The following NGEF variants were observed in gnomAD, a reference collection of about 807,000 sequenced individuals.
The protein encoded by NGEF is ephexin-1.
In NGEF, 31 loss-of-function variants were observed where a neutral mutation model predicts 80.9. The ratio of observed to expected loss-of-function variants is 0.38; its 90% confidence interval spans 0.29 to 0.52. NGEF has a LOEUF of 0.52. Among genes scored for constraint, NGEF ranks in the 20% least tolerant of loss-of-function variants. The pLI, the probability that NGEF is intolerant of heterozygous loss-of-function variation, is 0.84. For missense variants in NGEF, 709 were observed against 926.2 expected, an observed-to-expected ratio of 0.77 and a Z score of 3.04; for synonymous variants, 371 against 370.2, an observed-to-expected ratio of 1.00 and a Z score of -0.03.
chr2:232,928,898 G>A (rs1052207273), intron 3 of NGEF, among the ~76,000 whole-genome samples: 1 of 152,258 alleles, frequency 6.6e-6, no homozygotes, highest in Non-Finnish European at 1.5e-5. Context: ...ATCAGAAAGA[G>A]CAGAAAGGAC....
At chr2:233,005,449 C>A (rs1017746737) in intron 1 of NGEF, among the ~76,000 whole-genome samples, 1 of 152,262 alleles carries the variant, frequency 6.6e-6, no homozygotes, top group African/African-American at 2.4e-5. Flanking sequence ...AGGACCACTC[C>A]TTCCAGCGTG....
At chr2:232,981,934 G>A (rs1419162924) in intron 1 of NGEF, among the ~76,000 whole-genome samples, 1 of 152,186 alleles carries the variant, frequency 6.6e-6, no homozygotes. Context: ...AGTGAGACAG[G>A]CCTGGCCTCC....
chr2:232,896,995 G>T (rs9752833), intron 5 of NGEF, among the ~76,000 whole-genome samples: 3 of 130,174 alleles, frequency 2.3e-5, no homozygotes, highest in Non-Finnish European at 4.9e-5. Flanking sequence ...GTGAGGTAGG[G>T]GTGCGGGTGA....
chr2:232,883,091 G>A (rs967209520), intron 12 of NGEF, among the ~76,000 whole-genome samples: 13 of 150,606 alleles, frequency 8.6e-5, no homozygotes, highest in East Asian at 2.0e-4. Flanking sequence ...ACGCACACAC[G>A]CACACACGTA....
intron 1 of NGEF, among the ~76,000 whole-genome samples, chr2:233,009,638 A>AC (rs57719369): frequency 2.4e-5 from 1 of 41,050 alleles, no homozygotes; most frequent in Non-Finnish European, 6.6e-5. Flanking sequence ...ATCTCTACAG[A>AC]AAAAAAAAAA....
intron 3 of NGEF, among the ~76,000 whole-genome samples, chr2:232,946,530 G>T (rs569597574): frequency 6.6e-6 from 1 of 152,164 alleles, no homozygotes; most frequent in Non-Finnish European, 1.5e-5. Context: ...GAACTCACAC[G>T]CACACATACA....
intron 1 of NGEF, among the ~76,000 whole-genome samples, chr2:232,996,320 T>G (rs1025362389): frequency 1.3e-5 from 2 of 152,074 alleles, no homozygotes; most frequent in African/African-American, 4.8e-5. Context: ...AGAGTGAGGC[T>G]TTGTCTCAAG....
intron 3 of NGEF, among the ~76,000 whole-genome samples, chr2:232,938,832 G>A (rs1279947326): frequency 3.3e-5 from 5 of 150,766 alleles, no homozygotes; most frequent in African/African-American, 7.3e-5. Context: ...AGTTGCCTAG[G>A]TGCACATAAT....
At chr2:232,900,596 A>G (rs1289969098) in intron 5 of NGEF, among the ~76,000 whole-genome samples, 7 of 93,566 alleles carry the variant, frequency 7.5e-5, no homozygotes, top group African/African-American at 1.8e-4. Flanking sequence ...AGTCACTCAT[A>G]TACACGTTCA....
chr2:232,956,004 T>C (rs973275018), intron 3 of NGEF, among the ~76,000 whole-genome samples: 1 of 152,214 alleles, frequency 6.6e-6, no homozygotes, highest in African/African-American at 2.4e-5. Flanking sequence ...ATTGTACATA[T>C]CCTTCCTCAA....
chr2:232,965,941 C>T (rs1206108523), intron 3 of NGEF, among the ~76,000 whole-genome samples: 1 of 152,130 alleles, frequency 6.6e-6, no homozygotes, highest in Non-Finnish European at 1.5e-5. Flanking sequence ...TCCAGATTCC[C>T]CACTTCACCC....
At chr2:233,006,735 A>G (rs1260381714) in intron 1 of NGEF, among the ~76,000 whole-genome samples, 1 of 152,226 alleles carries the variant, frequency 6.6e-6, no homozygotes, top group Admixed American at 6.5e-5. Context: ...TTGAACACTC[A>G]TGGCGATCCT....
chr2:232,997,319 C>T (rs1266558718), intron 1 of NGEF, among the ~76,000 whole-genome samples: 1 of 152,114 alleles, frequency 6.6e-6, no homozygotes, highest in Non-Finnish European at 1.5e-5. Context: ...AGGAGCCTGC[C>T]CTTGTCGTTG....
chr2:232,923,686 G>A (rs1281145380), intron 4 of NGEF, among the ~76,000 whole-genome samples: 1 of 152,182 alleles, frequency 6.6e-6, no homozygotes, highest in Non-Finnish European at 1.5e-5. Flanking sequence ...AATGAGCCAA[G>A]ATTGTGCCAT....
chr2:232,956,395 A>G (rs937783951), intron 3 of NGEF, among the ~76,000 whole-genome samples: 16 of 137,490 alleles, frequency 1.2e-4, no homozygotes, highest in Admixed American at 1.0e-3. Context: ...GCTGCAATAT[A>G]AGATTGTGAC....
intron 6 of NGEF, among the ~76,000 whole-genome samples, chr2:232,893,359 C>T (rs924281496): frequency 1.3e-5 from 2 of 152,320 alleles, no homozygotes; most frequent in East Asian, 1.9e-4. Flanking sequence ...GAAGGGTCCC[C>T]TGGGGGGTAG....
At chr2:232,900,204 ACT>A (rs1217501980) in intron 5 of NGEF, among the ~76,000 whole-genome samples, 2 of 140,040 alleles carry the variant, frequency 1.4e-5, no homozygotes, top group African/African-American at 5.6e-5. Flanking sequence ...TCTCACAGTC[ACT>A]CATATACACG....
In NGEF at chr2:232,884,733, G is replaced by A. The variant is rs182416299; in HGVS notation, c.1437+547C>T. Among the ~76,000 whole-genome samples, 461 of 152,282 alleles carry A rather than the reference G, an allele frequency of 3.0e-3. 1 individual carries two copies. The highest frequency in any genetic ancestry group is 0.011 in the African/African-American group (445 of 41,566). ...AGCACCGTGTGGAGCTACATGGGACGCCCAGAAGACCGCCTCTGCCTCCTC... is the reference window on the plus strand; with the variant it reads ...AGCACCGTGTGGAGCTACATGGGACACCCAGAAGACCGCCTCTGCCTCCTC... On this transcript the variant is annotated intron_variant, in intron 10 of 14. Coordinates refer to ENST00000264051, the MANE Select transcript of NGEF (RefSeq NM_019850.3).
chr2:232,992,259 C>A, intron 1 of NGEF, among the ~76,000 whole-genome samples: 1 of 152,084 alleles, frequency 6.6e-6, no homozygotes, highest in East Asian at 1.9e-4. Context: ...AAGTGCACCA[C>A]CAAGAAAATT....
Sources: gnomAD v4.1 joint callset for allele counts (sites outside exome capture counted in the v4.1 genomes callset) on GRCh38, gnomAD v4.1.1 for gene constraint, MANE v1.5 for transcripts, NCBI Gene and HGNC (gene_info 2026-07-23, HGNC 2026-07-21) for gene names.